ZNF469: variants seen among roughly 807,000 people sequenced by gnomAD.
ZNF469 encodes the protein zinc finger protein 469.
In ZNF469, 1 loss-of-function variant was observed where a neutral mutation model predicts 1.0. The observed-to-expected ratio is 1.00, with a 90% CI of 0.35 to 4.73. The LOEUF (loss-of-function observed/expected upper bound fraction) is 4.73, where lower values mean the gene tolerates loss of function less well. ZNF469 is among the 30% of genes most tolerant of loss of function. The probability of loss-of-function intolerance (pLI) is 0.16; values close to 1 mark genes in which losing one functional copy is unlikely to be tolerated. For missense variants in ZNF469, 6,100 were observed against 5,356.3 expected, an observed-to-expected ratio of 1.14 and a Z score of -4.33; for synonymous variants, 2,703 against 2,363.4, an observed-to-expected ratio of 1.14 and a Z score of -4.17.
chr16:88,431,154 T>C lies in ZNF469; in HGVS notation c.3684T>C (p.Pro1228=), dbSNP rs1325128143. 3.2e-6 allele frequency: 5 copies of C among 1,549,478 alleles called. No homozygotes were observed. The highest frequency in any genetic ancestry group is 4.4e-6 in the Non-Finnish European group (5 of 1,146,850). The change falls in exon 3 of 3, where the codon CCT becomes CCC. Residue 1228 remains proline, a synonymous_variant. Coordinates refer to ENST00000565624, the MANE Select transcript of ZNF469 (RefSeq NM_001367624.2). Reference sequence around the variant, plus strand: ...ACTTTCCCCAGGAGGCCAAGGAGCCTGAAACTGCCGAAGAGTCAGCCCCGG... The same window carrying C: ...ACTTTCCCCAGGAGGCCAAGGAGCCCGAAACTGCCGAAGAGTCAGCCCCGG... ...SLDFPQEAKE[P]ETAEESAPDS...
chr16:88,275,978 G>A, the ZNF469 span, among the ~76,000 whole-genome samples: 3 of 152,164 alleles, frequency 2.0e-5, no homozygotes, highest in Non-Finnish European at 2.9e-5. Context: ...TCCATCCTGG[G>A]AGGCCGTGGC....
chr16:88,419,687 C>T (rs141753703), intron 1 of ZNF469, among the ~76,000 whole-genome samples: 23 of 152,312 alleles, frequency 1.5e-4, no homozygotes, highest in Admixed American at 5.2e-4. Flanking sequence ...CTCCACCCCT[C>T]CTCAACGTTC....
the ZNF469 span, among the ~76,000 whole-genome samples, chr16:88,312,847 C>G: frequency 6.6e-6 from 1 of 152,246 alleles, no homozygotes; most frequent in Admixed American, 6.5e-5. Context: ...ACTACAGTAG[C>G]TTTGCAAGCC....
chr16:88,273,686 C>T, the ZNF469 span, among the ~76,000 whole-genome samples: 2 of 152,204 alleles, frequency 1.3e-5, no homozygotes, highest in African/African-American at 4.8e-5. Context: ...TCCAAAGAAA[C>T]ATCCGCACAC....
At chr16:88,214,870 G>A in the ZNF469 span, among the ~76,000 whole-genome samples, 11 of 152,180 alleles carry the variant, frequency 7.2e-5, no homozygotes, top group Non-Finnish European at 1.3e-4. Context: ...TGCATGGTGT[G>A]TATGTGCCAC....
the ZNF469 span, among the ~76,000 whole-genome samples, chr16:88,280,414 C>T: frequency 1.2e-4 from 18 of 151,972 alleles, 2 homozygotes; most frequent in African/African-American, 4.4e-4. Flanking sequence ...TTAGTCAGTA[C>T]CTTGCACAGG....
chr16:88,170,200 A>C, the ZNF469 span, among the ~76,000 whole-genome samples: 1 of 152,204 alleles, frequency 6.6e-6, no homozygotes, highest in South Asian at 2.1e-4. The surrounding 1 kb of genome is among the most constrained non-coding windows in gnomAD (Gnocchi z 4.2). Context: ...AAGGCATGTA[A>C]TGTGAAGCTT....
the ZNF469 span, among the ~76,000 whole-genome samples, chr16:88,350,852 C>A: frequency 1.3e-5 from 2 of 152,206 alleles, no homozygotes; most frequent in African/African-American, 2.4e-5. Context: ...AACAGATTCT[C>A]CCCAAGAGAA....
chr16:88,362,656 T>A, the ZNF469 span, among the ~76,000 whole-genome samples: 1 of 152,224 alleles, frequency 6.6e-6, no homozygotes, highest in Non-Finnish European at 1.5e-5. Flanking sequence ...GTGCCATTTA[T>A]CTTTGGTTTT....
At chr16:88,208,803 A>ACACACACACACACTCT in the ZNF469 span, among the ~76,000 whole-genome samples, 20 of 123,652 alleles carry the variant, frequency 1.6e-4, no homozygotes, top group African/African-American at 5.3e-4. Context: ...ACACACACAC[A>ACACACACACACACTCT]CTCTCTCTCT....
At chr16:88,357,792 C>G in the ZNF469 span, among the ~76,000 whole-genome samples, 5 of 152,260 alleles carry the variant, frequency 3.3e-5, no homozygotes, top group African/African-American at 1.2e-4. Flanking sequence ...AGCATGCGCT[C>G]ACTGCCTCCC....
the ZNF469 span, among the ~76,000 whole-genome samples, chr16:88,259,200 C>T: frequency 4.6e-5 from 7 of 152,182 alleles, no homozygotes; most frequent in African/African-American, 1.4e-4. This position sits in a 1 kb window ranked among gnomAD's most constrained non-coding sequence, Gnocchi z 4.1. Flanking sequence ...GGCCACCCAC[C>T]GGCTTGTGAG....
the ZNF469 span, among the ~76,000 whole-genome samples, chr16:88,157,453 T>C: frequency 6.6e-6 from 1 of 152,138 alleles, no homozygotes; most frequent in Non-Finnish European, 1.5e-5. Context: ...AGCTGTGTCC[T>C]GGTGAGGGCT....
the ZNF469 span, among the ~76,000 whole-genome samples, chr16:88,245,826 G>A: frequency 6.6e-6 from 1 of 152,274 alleles, no homozygotes. Context: ...CAGTGAGGAA[G>A]GATGACTGAA....
chr16:88,365,335 G>T, the ZNF469 span, among the ~76,000 whole-genome samples: 1 of 152,208 alleles, frequency 6.6e-6, no homozygotes, highest in African/African-American at 2.4e-5. Flanking sequence ...CATGGCTCCT[G>T]GGTGGCCCAC....
chr16:88,383,342 G>C (rs2092530244), intron 1 of ZNF469, among the ~76,000 whole-genome samples, 88 bp downstream of exon 1: 1 of 147,614 alleles, frequency 6.8e-6, no homozygotes, highest in Non-Finnish European at 1.5e-5. Context: ...GGCTGCGCGG[G>C]GGTCTCCGGC....
the ZNF469 span, among the ~76,000 whole-genome samples, chr16:88,312,044 G>A: frequency 2.0e-5 from 3 of 152,320 alleles, no homozygotes; most frequent in African/African-American, 7.2e-5. Context: ...GACAAAGGAA[G>A]AGCAAAGGCA....
At chr16:88,159,582 C>T in the ZNF469 span, among the ~76,000 whole-genome samples, 12 of 152,148 alleles carry the variant, frequency 7.9e-5, no homozygotes, top group Non-Finnish European at 1.3e-4. Context: ...CCCTTCCCCG[C>T]ATTCTCGTCT....
At chr16:88,176,628 TG>T in the ZNF469 span, among the ~76,000 whole-genome samples, 1 of 151,310 alleles carries the variant, frequency 6.6e-6, no homozygotes. Context: ...CTAAGAAATA[TG>T]AAAAAAAAAA....
Sources: allele counts gnomAD v4.1 joint callset (sites outside exome capture counted in the v4.1 genomes callset), GRCh38; gene constraint gnomAD v4.1.1; non-coding constraint Gnocchi (gnomAD v3.1); transcripts MANE v1.5; gene names NCBI Gene and HGNC (gene_info 2026-07-23, HGNC 2026-07-21).